The following PGR variants were observed in gnomAD, a reference collection of about 807,000 sequenced individuals.
The protein encoded by PGR is nuclear receptor subfamily 3 group C member 3.
In PGR, 25 loss-of-function variants were observed where a neutral mutation model predicts 76.1. The observed-to-expected ratio is 0.33, with a 90% CI of 0.24 to 0.46. The LOEUF (loss-of-function observed/expected upper bound fraction) is 0.46. Ranked by LOEUF, PGR falls within the 20% of genes least tolerant of loss-of-function variation. PGR has a pLI of 1.00. For missense variants in PGR, 1,172 were observed against 1,225.3 expected (o/e 0.96, Z 0.65); for synonymous variants, 579 against 535.0 (o/e 1.08, Z -1.14).
At chr11:101,118,300 C>A in intron 2 of PGR, among the ~76,000 whole-genome samples, 1 of 152,122 alleles carries the variant, frequency 6.6e-6, no homozygotes, top group East Asian at 1.9e-4. Context: ...AGAAGAGTAC[C>A]TGAATTTAGT....
At chr11:101,048,721 A>G (rs1016201369) in intron 6 of PGR, among the ~76,000 whole-genome samples, 3 of 152,152 alleles carry the variant, frequency 2.0e-5, no homozygotes, top group African/African-American at 4.8e-5. Context: ...GGACATTACT[A>G]TACACTACGA....
At chr11:101,097,478 T>C (rs1031200326) in intron 2 of PGR, among the ~76,000 whole-genome samples, 2 of 152,220 alleles carry the variant, frequency 1.3e-5, no homozygotes, top group Non-Finnish European at 2.9e-5. Context: ...GAGTAGGAAC[T>C]ACTCAGTTTG....
intron 2 of PGR, among the ~76,000 whole-genome samples, chr11:101,123,698 C>G (rs1287777768): frequency 6.6e-6 from 1 of 152,170 alleles, no homozygotes; most frequent in Non-Finnish European, 1.5e-5. Context: ...ATGTAGACTT[C>G]TTCATCATTC....
At chr11:101,093,569 T>C (rs938390225) in intron 2 of PGR, among the ~76,000 whole-genome samples, 11 of 152,188 alleles carry the variant, frequency 7.2e-5, no homozygotes, top group Non-Finnish European at 1.5e-4. Context: ...CAAGGAACTT[T>C]CCTGCCTCAG....
intron 4 of PGR, among the ~76,000 whole-genome samples, chr11:101,059,732 C>T (rs1222308358): frequency 6.7e-6 from 1 of 149,640 alleles, no homozygotes; most frequent in Non-Finnish European, 1.5e-5. Flanking sequence ...GCTACCAGCT[C>T]ATCAGGAGGC....
intron 3 of PGR, among the ~76,000 whole-genome samples, chr11:101,082,387 G>C (rs1311663001): frequency 6.6e-6 from 1 of 152,238 alleles, no homozygotes; most frequent in African/African-American, 2.4e-5. Context: ...AAATGTGGGA[G>C]TGACTTTGGA....
intron 4 of PGR, among the ~76,000 whole-genome samples, chr11:101,054,631 T>C (rs530478763): frequency 1.3e-5 from 2 of 152,292 alleles, no homozygotes; most frequent in South Asian, 2.1e-4. Context: ...TCTCAACAAA[T>C]TGGAAGGCAT....
chr11:101,072,823 C>G (rs1306899634), intron 3 of PGR, among the ~76,000 whole-genome samples: 2 of 152,158 alleles, frequency 1.3e-5, no homozygotes, highest in Non-Finnish European at 2.9e-5. Context: ...ATTCATAAAG[C>G]AAGTTCTTAG....
rs769198841 is a variant in PGR, at chr11:101,128,608, G to T, written c.463C>A (p.Pro155Thr). Residue 155 changes from proline to threonine, a missense_variant, in exon 1 of 8, where the codon CCC (proline) becomes ACC (threonine). By Grantham distance (38) the Pro-to-Thr change is conservative. Transcript: ENST00000325455. Reference sequence around the variant, plus strand: ...GGGGACAACACCCGCTGGGTGGCGGGGGCAGCCGGTGGATCTTCGGGAAGT... The same window carrying T: ...GGGGACAACACCCGCTGGGTGGCGGTGGCAGCCGGTGGATCTTCGGGAAGT... ...PELPEDPPAA[P>T]ATQRVLSPLM... 7.0e-5 allele frequency: 111 copies of T among 1,590,762 alleles called. No individual in the cohort carries two copies. The highest frequency in any genetic ancestry group is 9.1e-5 in the Non-Finnish European group (106 of 1,171,096).
At position 101,128,758 on chromosome 11, in the gene PGR, C is replaced by T. The variant is rs1224677146; in HGVS notation, c.313G>A (p.Glu105Lys). 6.2e-6 allele frequency: 10 copies of T among 1,613,782 alleles called. No individual in the cohort carries two copies. The African/African-American group carries it at 1.3e-4, about 22-fold the overall frequency. The change falls in exon 1 of 8, where the codon GAA (glutamate) becomes AAA (lysine). Residue 105 changes from glutamate (E) to lysine (K), a missense_variant. By Grantham distance (56) the Glu-to-Lys change is moderately conservative (BLOSUM62 1). Coordinates refer to ENST00000325455, the MANE Select transcript of PGR (RefSeq NM_000926.4). ...GAGGSSSSPP[E>K]KDSGLLDSVL... ...CTGTCCAGCAGTCCGCTGTCCTTTT[C>T]TGGGGGACTAGAACTGCTGCCTCCA...
intron 2 of PGR, among the ~76,000 whole-genome samples, chr11:101,121,418 TTC>T (rs1192356117): frequency 6.6e-6 from 1 of 152,226 alleles, no homozygotes. Context: ...TGTTCAATCT[TTC>T]TCTTTCTGAT....
At chr11:101,098,347 A>G (rs1351942771) in intron 2 of PGR, among the ~76,000 whole-genome samples, 3 of 152,170 alleles carry the variant, frequency 2.0e-5, no homozygotes, top group African/African-American at 7.2e-5. Context: ...AGAGTTCACA[A>G]TTTTTCATGG....
At chr11:101,071,367 GA>G (rs1468388724) in intron 3 of PGR, among the ~76,000 whole-genome samples, 1 of 152,092 alleles carries the variant, frequency 6.6e-6, no homozygotes, top group African/African-American at 2.4e-5. Flanking sequence ...TGAAGATGAG[GA>G]AAAACCAGTG....
intron 4 of PGR, among the ~76,000 whole-genome samples, chr11:101,054,088 C>T (rs1860202788): frequency 6.6e-6 from 1 of 152,170 alleles, no homozygotes; most frequent in African/African-American, 2.4e-5. Context: ...GTGATGCTTG[C>T]TTTTTAGCCC....
chr11:101,083,212 G>C (rs1861367764), intron 3 of PGR, among the ~76,000 whole-genome samples: 1 of 152,212 alleles, frequency 6.6e-6, no homozygotes, highest in Non-Finnish European at 1.5e-5. Context: ...ATGGTATTGG[G>C]CCTGCGGGTA....
chr11:101,124,947 T>C (rs892906723), intron 2 of PGR, among the ~76,000 whole-genome samples: 3 of 152,130 alleles, frequency 2.0e-5, no homozygotes, highest in African/African-American at 7.2e-5. Flanking sequence ...GAAGAACTCC[T>C]TTGAAAGCTC....
Position 101,062,479 on chromosome 11 carries a change from A to C in PGR, c.2180T>G (p.Leu727Arg), listed in dbSNP as rs1265188514. 1.2e-6 allele frequency: 2 copies of C among 1,613,982 alleles called. No individual in the cohort carries two copies. The highest frequency in any genetic ancestry group is 4.5e-5 in the East Asian group (2 of 44,870). ...SLNQLGERQL[L>R]SVVKWSKSLP... The stretch of plus-strand genomic sequence containing the variant: ...TGATTTAGACCACTTGACTACTGAA[A>C]GAAGTTGCCTCTCGCCTAGTTGATT... Residue 727 changes from leucine to arginine, a missense_variant, in exon 4 of 8, where the codon CTT becomes CGT. Transcript: ENST00000325455.
rs1273511626 is a variant in PGR, at chr11:101,035,600, T to C, written c.*3516A>G. On this transcript the variant is annotated 3_prime_UTR_variant, in exon 8 of 8. Coordinates refer to ENST00000325455, the MANE Select transcript of PGR (RefSeq NM_000926.4). ...TTTGAGCATGGGTTTTTGGAGGGGC[T>C]GTGTTCTAGTCAGGCTCTCTGTTCT... 4.1e-4 allele frequency: 96 copies of C among 231,980 alleles called. 2 individuals carry two copies. The Admixed American group carries it at 5.4e-3, about 13-fold the overall frequency. The allele number at this position is 231,980 out of a possible 1,614,324, so 14.4% of individuals were successfully genotyped here. A position where few individuals can be genotyped will look rare whatever the true frequency, so the allele number is the denominator to read the frequency against.
chr11:101,054,234 G>C (rs972634571), intron 4 of PGR, among the ~76,000 whole-genome samples: 1 of 151,634 alleles, frequency 6.6e-6, no homozygotes, highest in Non-Finnish European at 1.5e-5. Flanking sequence ...TTTTGTTGTT[G>C]CTTGTGTGTT....
Sources: allele counts gnomAD v4.1 joint callset (sites outside exome capture counted in the v4.1 genomes callset), GRCh38; gene constraint gnomAD v4.1.1; transcripts MANE v1.5; gene names NCBI Gene and HGNC (gene_info 2026-07-23, HGNC 2026-07-21).